GP6: variants seen among roughly 807,000 people sequenced by gnomAD.
GP6 encodes platelet glycoprotein VI.
A neutral mutation model predicts 37.3 loss-of-function variants in GP6; 45 were observed. That is an observed-to-expected ratio of 1.21 (90% CI 0.95 to 1.55). The LOEUF (loss-of-function observed/expected upper bound fraction) is 1.55. GP6 is among the 40% of genes most tolerant of loss of function. The probability of loss-of-function intolerance (pLI) is 0.00; values close to 1 mark genes in which losing one functional copy is unlikely to be tolerated. For synonymous variants in GP6, 340 were observed against 316.4 expected (o/e 1.07, Z -0.79); for missense variants, 813 against 760.2 (o/e 1.07, Z -0.82).
intron 6 of GP6, among the ~76,000 whole-genome samples, chr19:55,018,164 C>CT (rs2073943649): frequency 6.6e-6 from 1 of 152,180 alleles, no homozygotes; most frequent in Non-Finnish European, 1.5e-5. Context: ...ATCAGGGAAT[C>CT]TGTGAAGGTG....
In GP6 at chr19:55,014,063, T is replaced by C; in HGVS notation, c.*19A>G. 4.9e-6 allele frequency: 3 copies of C among 615,666 alleles called. No homozygotes were observed. The highest frequency in any genetic ancestry group is 3.0e-5 in the South Asian group (2 of 65,950). The allele number at this position is 615,666 out of a possible 1,614,324, so 38.1% of individuals were successfully genotyped here. A position where few individuals can be genotyped will look rare whatever the true frequency, so the allele number is the denominator to read the frequency against. ...GGGTGGACAGCAATATTGCAGTACA[T>C]GTATACAACGTGCTATGATCAAATC... On this transcript the variant is annotated 3_prime_UTR_variant, in exon 8 of 8. Transcript: ENST00000310373.
chr19:55,030,022 A>G (rs935331899), intron 3 of GP6, among the ~76,000 whole-genome samples: 1 of 152,162 alleles, frequency 6.6e-6, no homozygotes, highest in African/African-American at 2.4e-5. Flanking sequence ...TTATTCCCAA[A>G]CAATTAACAT....
intron 3 of GP6, among the ~76,000 whole-genome samples, chr19:55,029,055 C>A (rs1266291479): frequency 6.8e-6 from 1 of 147,898 alleles, no homozygotes; most frequent in East Asian, 2.0e-4. Context: ...ATATAAGCTG[C>A]CTAATAATTA....
intron 1 of GP6, among the ~76,000 whole-genome samples, chr19:55,037,623 C>CTTTTTTTTT (rs1179101360): frequency 1.4e-4 from 7 of 50,410 alleles, no homozygotes; most frequent in African/African-American, 4.7e-4. Flanking sequence ...GGCACTCAGC[C>CTTTTTTTTT]TTTTTTTTTT....
At chr19:55,033,982 GATGC>G (rs1568645875) in intron 1 of GP6, among the ~76,000 whole-genome samples, 1 of 152,018 alleles carries the variant, frequency 6.6e-6, no homozygotes, top group Non-Finnish European at 1.5e-5. Context: ...ACACAGAAAG[GATGC>G]ATGTTTGAGA....
At chr19:55,033,382 A>G (rs3925186) in intron 1 of GP6, among the ~76,000 whole-genome samples, 2,154 of 7,306 alleles carry the variant, frequency 0.29, 38 homozygotes, top group East Asian at 0.42. Flanking sequence ...GACACGGTGG[A>G]CTCGTTCGTG....
chr19:55,033,098 A>G (rs111869910), intron 1 of GP6, among the ~76,000 whole-genome samples: 98 of 4,798 alleles, frequency 0.02, 4 homozygotes, highest in East Asian at 0.056. Context: ...GACACGGTGG[A>G]CTCGTTCGTG....
intron 7 of GP6, among the ~76,000 whole-genome samples, 172 bp from the exon 8 acceptor site, chr19:55,015,337 C>G (rs2073833016): frequency 6.6e-6 from 1 of 152,120 alleles, no homozygotes; most frequent in African/African-American, 2.4e-5. Flanking sequence ...CAGATGACCC[C>G]AATTCTCTAA....
intron 6 of GP6, among the ~76,000 whole-genome samples, chr19:55,017,297 A>C (rs895668030): frequency 6.6e-6 from 1 of 151,940 alleles, no homozygotes; most frequent in African/African-American, 2.4e-5. Flanking sequence ...TTGTATTTTC[A>C]GTAGAGACGG....
At chr19:55,024,300 GCA>G (rs369345826) in intron 5 of GP6, among the ~76,000 whole-genome samples, 3 of 121,860 alleles carry the variant, frequency 2.5e-5, no homozygotes, top group Admixed American at 8.6e-5. Flanking sequence ...ATGCACGCAT[GCA>G]CACACATATG....
intron 3 of GP6, among the ~76,000 whole-genome samples, chr19:55,031,765 A>G (rs1374934689): frequency 1.3e-5 from 2 of 151,972 alleles, no homozygotes; most frequent in African/African-American, 4.8e-5. Flanking sequence ...TCTCTTTTGT[A>G]TTTTAATGCC....
intron 3 of GP6, among the ~76,000 whole-genome samples, chr19:55,030,514 A>AT (rs1555802907): frequency 2.6e-5 from 4 of 151,510 alleles, no homozygotes; most frequent in South Asian, 2.1e-4. Context: ...AATTATTATT[A>AT]TTTTTTTTAG....
At chr19:55,030,558 G>C (rs553150144) in intron 3 of GP6, among the ~76,000 whole-genome samples, 1 of 151,912 alleles carries the variant, frequency 6.6e-6, no homozygotes, top group Admixed American at 6.6e-5. Flanking sequence ...GGCCAGGCTG[G>C]TCTCAAACTC....
chr19:55,034,613 C>A (rs2074756303), intron 1 of GP6, among the ~76,000 whole-genome samples: 1 of 151,696 alleles, frequency 6.6e-6, no homozygotes, highest in Non-Finnish European at 1.5e-5. Flanking sequence ...CAGAGCAAGA[C>A]CCTGTCTCAG....
intron 5 of GP6, among the ~76,000 whole-genome samples, chr19:55,019,054 A>G (rs888850577): frequency 1.3e-5 from 2 of 151,652 alleles, no homozygotes; most frequent in East Asian, 1.9e-4. Flanking sequence ...TGGGTCATAC[A>G]GTAACTCTGT....
At chr19:55,032,867 GCTCGTTCGTGTTAGACACGGTGGA>G (rs1283296025) in intron 1 of GP6, 39,530 of 463,518 alleles carry the variant, frequency 0.085, 8,314 homozygotes, top group Admixed American at 0.12. Context: ...GACACGGTGG[GCTCGTTCGTGTTAGACACGGTGGA>G]CTCGTTCGTG....
At chr19:55,032,888 TGGACTCGTTCGTGTTAGACAC>T in intron 1 of GP6, 1 of 350,124 alleles carries the variant, frequency 2.9e-6, no homozygotes, top group African/African-American at 2.6e-5. Context: ...TTAGACACGG[TGGACTCGTTCGTGTTAGACAC>T]GGTGGGCTCG....
In GP6 at chr19:55,017,635, G is replaced by C. The variant is rs115898503; in HGVS notation, c.724+1017C>G. Among the ~76,000 whole-genome samples, 1,135 of 152,242 alleles carry C rather than the reference G, an allele frequency of 7.5e-3. 11 individuals carry two copies. Among genetic ancestry groups the C allele is most frequent in the African/African-American group, 0.026 (1,095 of 41,524 alleles). ...GCTGAGAACAGCATGGGAATGCGTG[G>C]AAGGTATGCAGACAAAATTGGAGGG... is the stretch of plus-strand genomic sequence containing the variant. On this transcript the variant is annotated intron_variant, in intron 6 of 7. Transcript: ENST00000310373.
At chr19:55,031,269 A>G (rs2074550931) in intron 3 of GP6, among the ~76,000 whole-genome samples, 1 of 152,166 alleles carries the variant, frequency 6.6e-6, no homozygotes, top group African/African-American at 2.4e-5. Flanking sequence ...CTCCAAAACA[A>G]AGTTTTAAAA....
Sources: gnomAD v4.1 joint callset for allele counts (sites outside exome capture counted in the v4.1 genomes callset) on GRCh38, gnomAD v4.1.1 for gene constraint, MANE v1.5 for transcripts, NCBI Gene and HGNC (gene_info 2026-07-23, HGNC 2026-07-21) for gene names.